The following SEMA3A variants were observed in gnomAD, a reference collection of about 807,000 sequenced individuals.
The protein encoded by SEMA3A is semaphorin 3A, also known as semaphorin-3A.
SEMA3A carries 29 observed loss-of-function variants against 97.9 expected under a neutral mutation model. The observed-to-expected ratio is 0.30, with a 90% CI of 0.22 to 0.40. SEMA3A has a LOEUF of 0.40. SEMA3A is among the 10% of genes least tolerant of loss of function. SEMA3A has a pLI of 1.00. For missense variants in SEMA3A, 763 were observed against 951.3 expected, an observed-to-expected ratio of 0.80 and a Z score of 2.60; for synonymous variants, 321 against 323.7, an observed-to-expected ratio of 0.99 and a Z score of 0.09.
intron 1 of SEMA3A, among the ~76,000 whole-genome samples, chr7:84,414,959 C>G (rs1804392277): frequency 6.6e-6 from 1 of 151,734 alleles, no homozygotes; most frequent in Admixed American, 6.6e-5. Context: ...CCATGAGGAA[C>G]AAATAAAAAA....
rs143156596 is a variant in SEMA3A at position 83,999,767 on chromosome 7, T to C, written c.1452+2188A>G. ...TACAGAAGTAAGAGACTCTGGAAATTAGAAATTCTTAAGATAACAATATTT... is the reference window on the plus strand; with the variant it reads ...TACAGAAGTAAGAGACTCTGGAAATCAGAAATTCTTAAGATAACAATATTT... On this transcript the variant is annotated intron_variant, in intron 12 of 16. Coordinates refer to ENST00000265362, the MANE Select transcript of SEMA3A (RefSeq NM_006080.3). Among the ~76,000 whole-genome samples, 899 of 152,242 alleles carry C rather than the reference T, an allele frequency of 5.9e-3. 3 individuals carry two copies. The highest frequency in any genetic ancestry group is 9.4e-3 in the Non-Finnish European group (637 of 67,964).
chr7:84,443,154 T>A (rs1339795640), intron 1 of SEMA3A, among the ~76,000 whole-genome samples: 4 of 152,052 alleles, frequency 2.6e-5, no homozygotes, highest in African/African-American at 9.7e-5. Flanking sequence ...TTCAACACTA[T>A]CCAACAATAG....
At chr7:83,965,872 G>C (rs1351277696) in intron 15 of SEMA3A, among the ~76,000 whole-genome samples, 1 of 149,058 alleles carries the variant, frequency 6.7e-6, no homozygotes, top group Non-Finnish European at 1.5e-5. Flanking sequence ...ATAGAGGCAG[G>C]GTTTCAACGT....
chr7:84,360,213 T>C (rs1802680395), intron 2 of SEMA3A, among the ~76,000 whole-genome samples: 1 of 152,132 alleles, frequency 6.6e-6, no homozygotes, highest in Non-Finnish European at 1.5e-5. Flanking sequence ...CTTCTCTAGT[T>C]CTTTTAATTG....
chr7:84,133,444 T>C (rs1284355186), intron 2 of SEMA3A, among the ~76,000 whole-genome samples: 1 of 152,120 alleles, frequency 6.6e-6, no homozygotes, highest in Non-Finnish European at 1.5e-5. Flanking sequence ...TAAAAGCTTT[T>C]AAAAATTCTG....
intron 3 of SEMA3A, among the ~76,000 whole-genome samples, chr7:84,281,440 G>A (rs1240989137): frequency 6.6e-6 from 1 of 152,102 alleles, no homozygotes; most frequent in Non-Finnish European, 1.5e-5. Flanking sequence ...ATCAACATGT[G>A]GAGTTAGTGT....
At chr7:83,987,677 C>T (rs574657662) in intron 12 of SEMA3A, among the ~76,000 whole-genome samples, 3 of 152,266 alleles carry the variant, frequency 2.0e-5, no homozygotes, top group African/African-American at 4.8e-5. Flanking sequence ...AATAAATGAA[C>T]GAATTCTTTA....
intron 3 of SEMA3A, among the ~76,000 whole-genome samples, chr7:84,218,746 C>T (rs1331049910): frequency 6.6e-6 from 1 of 151,970 alleles, no homozygotes; most frequent in African/African-American, 2.4e-5. Flanking sequence ...CCTTATCTTC[C>T]TATAGCTTGT....
chr7:84,473,672 A>G (rs1343722743), intron 1 of SEMA3A, among the ~76,000 whole-genome samples: 9 of 152,136 alleles, frequency 5.9e-5, no homozygotes, highest in Admixed American at 5.9e-4. Flanking sequence ...TACAGGCATG[A>G]GCCACTGCTC....
chr7:84,318,056 C>T (rs1228901756), intron 2 of SEMA3A, among the ~76,000 whole-genome samples: 1 of 151,892 alleles, frequency 6.6e-6, no homozygotes, highest in Non-Finnish European at 1.5e-5. Context: ...AATGAATAAA[C>T]AATAACAAAT....
intron 5 of SEMA3A, among the ~76,000 whole-genome samples, chr7:84,055,571 G>T (rs559653461): frequency 1.3e-5 from 2 of 151,670 alleles, no homozygotes; most frequent in African/African-American, 4.8e-5. Flanking sequence ...GCTCGTGCAC[G>T]GTGCGCGCAC....
chr7:84,424,887 TATAA>T (rs1204141038), intron 1 of SEMA3A, among the ~76,000 whole-genome samples: 19 of 84,404 alleles, frequency 2.3e-4, no homozygotes, highest in Admixed American at 6.4e-4. Flanking sequence ...TAATATTATA[TATAA>T]ATAATTTATA....
chr7:84,114,790 T>A (rs1795377481), intron 3 of SEMA3A, among the ~76,000 whole-genome samples: 1 of 152,074 alleles, frequency 6.6e-6, no homozygotes, highest in Admixed American at 6.6e-5. Context: ...TCTTTTAACA[T>A]TGTGCTATTA....
At chr7:84,292,711 C>T (rs1800780174) in intron 3 of SEMA3A, among the ~76,000 whole-genome samples, 1 of 151,932 alleles carries the variant, frequency 6.6e-6, no homozygotes, top group Non-Finnish European at 1.5e-5. Context: ...CGTTATGGTC[C>T]ACAAAACTTG....
chr7:84,380,766 C>T (rs1258379105), intron 1 of SEMA3A, among the ~76,000 whole-genome samples: 3 of 152,184 alleles, frequency 2.0e-5, no homozygotes, highest in Non-Finnish European at 4.4e-5. Flanking sequence ...CGTTTCACTT[C>T]TATTTCCAGT....
At chr7:83,985,513 C>A (rs2116329981) in intron 12 of SEMA3A, 36 bp from the exon 13 acceptor site, 4 of 1,553,714 alleles carry the variant, frequency 2.6e-6, no homozygotes, top group South Asian at 2.3e-5. Flanking sequence ...GGTGTTTGGT[C>A]AATTAGAACA....
At chr7:84,295,266 A>G (rs1196378866) in intron 3 of SEMA3A, among the ~76,000 whole-genome samples, 1 of 152,026 alleles carries the variant, frequency 6.6e-6, no homozygotes, top group Non-Finnish European at 1.5e-5. Flanking sequence ...AAATGCTGAC[A>G]GTATCATTTT....
chr7:84,208,265 A>T (rs1584126251), intron 3 of SEMA3A, among the ~76,000 whole-genome samples: 1 of 152,230 alleles, frequency 6.6e-6, no homozygotes, highest in South Asian at 2.1e-4. Flanking sequence ...ATCCTGGCTA[A>T]CATGGTGAAA....
chr7:84,437,058 C>A (rs1805151360), intron 1 of SEMA3A, among the ~76,000 whole-genome samples: 1 of 152,016 alleles, frequency 6.6e-6, no homozygotes, highest in South Asian at 2.1e-4. Context: ...CCTAAAACAG[C>A]TTCTCAACTG....
Sources: allele counts gnomAD v4.1 joint callset (sites outside exome capture counted in the v4.1 genomes callset), GRCh38; gene constraint gnomAD v4.1.1; transcripts MANE v1.5; gene names NCBI Gene and HGNC (gene_info 2026-07-23, HGNC 2026-07-21).